Variants in HTR1E observed in about 807,000 individuals in gnomAD.
HTR1E encodes the protein 5-hydroxytryptamine receptor 1E.
HTR1E carries 3 observed loss-of-function variants against 3.4 expected under a neutral mutation model. That is an observed-to-expected ratio of 0.89 (90% CI 0.41 to 2.31). The LOEUF (loss-of-function observed/expected upper bound fraction) is 2.31. HTR1E is among the 30% of genes most tolerant of loss of function. The pLI, the probability that HTR1E is intolerant of heterozygous loss-of-function variation, is 0.05. For synonymous variants in HTR1E, 170 were observed against 182.8 expected (o/e 0.93, Z 0.56); for missense variants, 392 against 467.0 (o/e 0.84, Z 1.48).
rs57128619 is a variant in HTR1E at position 86,946,640 on chromosome 6, G to C, written c.-186+8817G>C. On this transcript the variant is annotated intron_variant, in intron 1 of 1. Transcript: ENST00000305344. ...TTCAGCTTCTACTCCATGGTCCTTTGAGGACAACTGAAGTAACTAGATATG... is the reference window on the plus strand; with the variant it reads ...TTCAGCTTCTACTCCATGGTCCTTTCAGGACAACTGAAGTAACTAGATATG... 1.8e-3 allele frequency among the ~76,000 whole-genome samples: 269 copies of C among 152,274 alleles called. 1 individual carries two copies. Among genetic ancestry groups the C allele is most frequent in the African/African-American group, 5.0e-3 (209 of 41,538 alleles).
At chr6:86,998,543 T>C (rs557299413) in intron 1 of HTR1E, among the ~76,000 whole-genome samples, 1 of 152,210 alleles carries the variant, frequency 6.6e-6, no homozygotes, top group East Asian at 1.9e-4. Flanking sequence ...AAATACAACA[T>C]ACTGAAATTT....
chr6:87,011,136 T>C (rs1768227010), intron 1 of HTR1E, among the ~76,000 whole-genome samples: 1 of 152,164 alleles, frequency 6.6e-6, no homozygotes, highest in East Asian at 1.9e-4. Context: ...AGGCAAGAGG[T>C]AAAGCAATTG....
At chr6:86,948,497 T>C (rs1767157785) in intron 1 of HTR1E, among the ~76,000 whole-genome samples, 1 of 152,192 alleles carries the variant, frequency 6.6e-6, no homozygotes, top group African/African-American at 2.4e-5. Context: ...AAATGAGGTT[T>C]GGTAATCCAA....
At chr6:86,990,224 T>A (rs955031063) in intron 1 of HTR1E, among the ~76,000 whole-genome samples, 1 of 152,242 alleles carries the variant, frequency 6.6e-6, no homozygotes, top group Non-Finnish European at 1.5e-5. Context: ...TTCATTTTTT[T>A]AAAATATGCT....
At chr6:86,974,936 T>C (rs539454231) in intron 1 of HTR1E, among the ~76,000 whole-genome samples, 13 of 152,208 alleles carry the variant, frequency 8.5e-5, no homozygotes, top group Non-Finnish European at 1.6e-4. Context: ...TGTTACAAGA[T>C]GTTCCAAGAT....
At chr6:86,962,151 A>G (rs1187750080) in intron 1 of HTR1E, among the ~76,000 whole-genome samples, 1 of 152,164 alleles carries the variant, frequency 6.6e-6, no homozygotes, top group Non-Finnish European at 1.5e-5. Flanking sequence ...AACATTAAGG[A>G]GAATTTTTTG....
At chr6:86,951,773 C>G (rs1767247721) in intron 1 of HTR1E, among the ~76,000 whole-genome samples, 1 of 151,990 alleles carries the variant, frequency 6.6e-6, no homozygotes, top group Admixed American at 6.6e-5. Context: ...CCCTAAGAAG[C>G]AGAAAAATAT....
rs1408940675 is a variant in HTR1E at position 87,015,899 on chromosome 6, G to A, written c.565G>A (p.Gly189Ser). Residue 189 changes from glycine (G) to serine (S), a missense_variant, in exon 2 of 2, where the codon GGT (glycine) becomes AGT (serine). Gly to Ser is a moderately conservative substitution (Grantham distance 56). Around this residue, in one of 3 missense-constraint regions of HTR1E, gnomAD observed 189 missense variants for 258.0 expected, o/e 0.73. Transcript: ENST00000305344. The part of the protein sequence containing the change: ...HVIYTIYSTL[G>S]AFYIPLTLIL... Reference sequence around the variant, plus strand: ...TATCTACACCATTTACTCCACGCTGGGTGCGTTTTATATCCCCTTGACTTT... The same window carrying A: ...TATCTACACCATTTACTCCACGCTGAGTGCGTTTTATATCCCCTTGACTTT... 6.2e-7 allele frequency: 1 copy of A among 1,613,320 alleles called. No homozygotes were observed. Among genetic ancestry groups the A allele is most frequent in the Admixed American group, 1.7e-5 (1 of 59,980 alleles).
intron 1 of HTR1E, among the ~76,000 whole-genome samples, chr6:86,965,322 G>A (rs1767458220): frequency 6.6e-6 from 1 of 152,100 alleles, no homozygotes; most frequent in Non-Finnish European, 1.5e-5. Context: ...CCACTCCCCC[G>A]ACTTTCTATG....
In HTR1E at chr6:86,937,617, C is replaced by G. The variant is rs1768484461; in HGVS notation, c.-392C>G. 1.3e-5 allele frequency: 2 copies of G among 152,886 alleles called. No individual in the cohort carries two copies. Among genetic ancestry groups the G allele is most frequent in the South Asian group, 2.1e-4 (1 of 4,854 alleles). The allele number at this position is 152,886 out of a possible 1,614,324, so 9.5% of individuals were successfully genotyped here. A position where few individuals can be genotyped will look rare whatever the true frequency, so the allele number is the denominator to read the frequency against. ...CGCGCCGCGCTCCCAGGTTCTGTCT[C>G]GCCGCACCCCGGCGGGCACTGGCGC... is the stretch of plus-strand genomic sequence containing the variant. On this transcript the variant is annotated 5_prime_UTR_variant, in exon 1 of 2. Coordinates refer to ENST00000305344, the MANE Select transcript of HTR1E (RefSeq NM_000865.3).
intron 1 of HTR1E, among the ~76,000 whole-genome samples, chr6:87,013,677 C>T (rs1296688435): frequency 1.3e-5 from 2 of 151,304 alleles, no homozygotes; most frequent in Non-Finnish European, 2.9e-5. Context: ...TAAAAAAAAG[C>T]CTTTTTATAT....
chr6:86,984,024 T>C (rs920112249), intron 1 of HTR1E, among the ~76,000 whole-genome samples: 5 of 152,172 alleles, frequency 3.3e-5, no homozygotes, highest in Admixed American at 6.5e-5. Flanking sequence ...TATGTTAACC[T>C]ATATTTACAT....
chr6:87,011,543 A>G (rs1768236495), intron 1 of HTR1E, among the ~76,000 whole-genome samples: 1 of 152,236 alleles, frequency 6.6e-6, no homozygotes, highest in Non-Finnish European at 1.5e-5. Flanking sequence ...CTGGTAATTC[A>G]AAGTCTTAGC....
At chr6:86,953,701 A>T (rs1483509279) in intron 1 of HTR1E, among the ~76,000 whole-genome samples, 1 of 152,154 alleles carries the variant, frequency 6.6e-6, no homozygotes, top group Non-Finnish European at 1.5e-5. Context: ...GGAACAGAAA[A>T]CAGATTGTAT....
intron 1 of HTR1E, among the ~76,000 whole-genome samples, chr6:86,974,363 G>A (rs1344027649): frequency 1.3e-5 from 2 of 152,134 alleles, no homozygotes; most frequent in Non-Finnish European, 2.9e-5. Context: ...TATAGCAAAA[G>A]AATCCTGTTC....
chr6:86,958,402 T>C (rs751710696), intron 1 of HTR1E, among the ~76,000 whole-genome samples: 2 of 152,104 alleles, frequency 1.3e-5, no homozygotes, highest in Non-Finnish European at 2.9e-5. Context: ...ACCCCAAACA[T>C]TCTGTCTAAA....
intron 1 of HTR1E, among the ~76,000 whole-genome samples, chr6:86,948,305 T>C (rs530698993): frequency 6.6e-6 from 1 of 152,366 alleles, no homozygotes; most frequent in East Asian, 1.9e-4. Context: ...GTATATAATA[T>C]TGTTGTATGG....
rs148398265 is a variant in HTR1E, at chr6:87,011,729, T to C, written c.-185-3421T>C. On this transcript the variant is annotated intron_variant, in intron 1 of 1. Coordinates refer to ENST00000305344, the MANE Select transcript of HTR1E (RefSeq NM_000865.3). The stretch of plus-strand genomic sequence containing the variant: ...TATGCTTCCTTACCTCACAGATATT[T>C]CAGAAAGCGGAAGTATCAGACAGTA... Among the ~76,000 whole-genome samples, 117 of 152,300 alleles carry C rather than the reference T, an allele frequency of 7.7e-4. 2 individuals carry two copies. The East Asian group carries it at 0.019, about 25-fold the overall frequency.
chr6:87,006,241 A>G (rs1326975911), intron 1 of HTR1E, among the ~76,000 whole-genome samples: 1 of 152,194 alleles, frequency 6.6e-6, no homozygotes, highest in Non-Finnish European at 1.5e-5. Context: ...ATATACTCAA[A>G]GGAAAGAAAA....
Sources: gnomAD v4.1 joint callset for allele counts (sites outside exome capture counted in the v4.1 genomes callset) on GRCh38, gnomAD v4.1.1 for gene constraint, gnomAD v4.1.1 regional missense constraint, MANE v1.5 for transcripts, NCBI Gene and HGNC (gene_info 2026-07-23, HGNC 2026-07-21) for gene names.